TBC1D32: variants seen among roughly 807,000 people sequenced by gnomAD.
TBC1D32 encodes the protein TBC1 domain family member 32, also known as protein broad-minded.
A neutral mutation model predicts 170.3 loss-of-function variants in TBC1D32; 151 were observed. The ratio of observed to expected loss-of-function variants is 0.89; its 90% CI spans 0.78 to 1.01. TBC1D32 has a LOEUF of 1.01. Ranked by LOEUF, TBC1D32 falls within the 50% of genes least tolerant of loss-of-function variation. The pLI is 0.00. For missense variants in TBC1D32, 1,464 were observed against 1,457.1 expected (o/e 1.00, Z -0.08); for synonymous variants, 498 against 488.0 (o/e 1.02, Z -0.27).
chr6:121,185,653 T>C (rs540194711), intron 22 of TBC1D32, among the ~76,000 whole-genome samples: 1 of 152,148 alleles, frequency 6.6e-6, no homozygotes, highest in African/African-American at 2.4e-5. Context: ...GTGATTACAT[T>C]AAAAATGCCT....
intron 26 of TBC1D32, among the ~76,000 whole-genome samples, chr6:121,124,436 C>T (rs966462120): frequency 2.6e-5 from 4 of 151,806 alleles, no homozygotes; most frequent in African/African-American, 4.8e-5. Context: ...TGCTTATTTT[C>T]TCTCACTGTT....
chr6:121,208,203 G>C (rs1479109427), intron 21 of TBC1D32, among the ~76,000 whole-genome samples: 1 of 151,960 alleles, frequency 6.6e-6, no homozygotes, highest in Non-Finnish European at 1.5e-5. Flanking sequence ...TAAGAGTCTT[G>C]AGGTATGTAT....
chr6:121,245,737 C>T (rs562865851), intron 17 of TBC1D32, among the ~76,000 whole-genome samples: 1 of 152,012 alleles, frequency 6.6e-6, no homozygotes, highest in Non-Finnish European at 1.5e-5. Flanking sequence ...AACTCCCCTC[C>T]CCCCATCCCC....
intron 5 of TBC1D32, among the ~76,000 whole-genome samples, chr6:121,305,677 A>G (rs948203178): frequency 2.6e-5 from 4 of 152,038 alleles, no homozygotes; most frequent in African/African-American, 4.8e-5. Context: ...TGGGAAGTCT[A>G]TTTTTATAGT....
chr6:121,332,968 CT>C (rs1487869253), intron 1 of TBC1D32, among the ~76,000 whole-genome samples: 1 of 152,156 alleles, frequency 6.6e-6, no homozygotes, highest in Non-Finnish European at 1.5e-5. Context: ...TCCTTTCACA[CT>C]TTTTAAAACT....
chr6:121,096,058 G>A (rs562737915), intron 30 of TBC1D32: 1 of 152,098 alleles, frequency 6.6e-6, no homozygotes, highest in South Asian at 2.1e-4. Flanking sequence ...AATTGGTCTG[G>A]TTCTGGACTT....
At chr6:121,182,705 C>G (rs1396132220) in intron 22 of TBC1D32, among the ~76,000 whole-genome samples, 2 of 151,728 alleles carry the variant, frequency 1.3e-5, no homozygotes, top group Non-Finnish European at 2.9e-5. Flanking sequence ...AGCAAAATTA[C>G]CAGAAAAATA....
At chr6:121,230,297 T>C (rs544981133) in intron 20 of TBC1D32, among the ~76,000 whole-genome samples, 1 of 152,178 alleles carries the variant, frequency 6.6e-6, no homozygotes, top group Non-Finnish European at 1.5e-5. Flanking sequence ...AACATACGGA[T>C]GCTGATAATA....
rs1167389911 is a variant in TBC1D32, at chr6:121,254,079, CTT to C, written c.2018+1247_2018+1248del. Among the ~76,000 whole-genome samples the C allele has an allele frequency of 3.3e-5, 5 of 152,002 alleles. No homozygotes were observed. The South Asian group carries it at 1.0e-3, about 32-fold the overall frequency. ...TCATAAAAAAAAAAGGAAATAATGT[CTT>C]TTGCACCAAGTTGGATGGAGCTGGA... is the stretch of plus-strand genomic sequence containing the variant. On this transcript the variant is annotated intron_variant, in intron 17 of 31. Coordinates refer to ENST00000398212, the MANE Select transcript of TBC1D32 (RefSeq NM_152730.6).
intron 24 of TBC1D32, among the ~76,000 whole-genome samples, chr6:121,149,178 T>C (rs952087520): frequency 2.6e-5 from 4 of 152,190 alleles, no homozygotes; most frequent in Non-Finnish European, 4.4e-5. Context: ...GATGGATAGA[T>C]TGAAAATTTT....
intron 24 of TBC1D32, among the ~76,000 whole-genome samples, chr6:121,153,103 C>CT (rs1237672433): frequency 1.2e-4 from 18 of 152,012 alleles, no homozygotes; most frequent in East Asian, 1.9e-4. Flanking sequence ...GACTTGTTGG[C>CT]TTTTTTTTAC....
chr6:121,138,920 C>T (rs923638437), intron 24 of TBC1D32, among the ~76,000 whole-genome samples: 2 of 151,750 alleles, frequency 1.3e-5, no homozygotes, highest in Non-Finnish European at 2.9e-5. Flanking sequence ...TCTCGGCTCA[C>T]TGCAAGCTCC....
chr6:121,332,476 T>C (rs376749689), intron 1 of TBC1D32, among the ~76,000 whole-genome samples: 4 of 152,080 alleles, frequency 2.6e-5, no homozygotes, highest in African/African-American at 7.2e-5. Context: ...CTACAGATAC[T>C]GGAAATACTA....
At chr6:121,292,629 T>A (rs1304066595) in intron 11 of TBC1D32, among the ~76,000 whole-genome samples, 1 of 152,068 alleles carries the variant, frequency 6.6e-6, no homozygotes, top group Non-Finnish European at 1.5e-5. Flanking sequence ...TATAGACATC[T>A]CCCAATATGT....
intron 22 of TBC1D32, among the ~76,000 whole-genome samples, chr6:121,169,164 A>G (rs979435670): frequency 1.3e-5 from 2 of 152,234 alleles, no homozygotes; most frequent in African/African-American, 4.8e-5. Context: ...CCTGACTTCA[A>G]ACTATACTAC....
At chr6:121,311,419 T>A (rs1474503999) in intron 3 of TBC1D32, among the ~76,000 whole-genome samples, 3 of 152,104 alleles carry the variant, frequency 2.0e-5, no homozygotes, top group Non-Finnish European at 4.4e-5. Flanking sequence ...TATCTAAAAC[T>A]TCATCTGAAA....
chr6:121,258,404 G>C (rs1396572185), intron 15 of TBC1D32, among the ~76,000 whole-genome samples: 1 of 151,458 alleles, frequency 6.6e-6, no homozygotes, highest in East Asian at 1.9e-4. Flanking sequence ...TTTGTTTGCA[G>C]CTTTTAAATA....
chr6:121,272,571 A>G (rs1028358386), intron 15 of TBC1D32, among the ~76,000 whole-genome samples: 1 of 152,264 alleles, frequency 6.6e-6, no homozygotes, highest in South Asian at 2.1e-4. Context: ...ACCATCTCAC[A>G]CCAGTTAGAA....
At chr6:121,310,992 G>C (rs748765241) in intron 3 of TBC1D32, 145 bp from the exon 4 acceptor site, 2 of 610,540 alleles carry the variant, frequency 3.3e-6, no homozygotes, top group Non-Finnish European at 5.7e-6. Context: ...CAGCAACTTA[G>C]AATTTTTCTT....
Sources: gnomAD v4.1 joint callset for allele counts (sites outside exome capture counted in the v4.1 genomes callset) on GRCh38, gnomAD v4.1.1 for gene constraint, MANE v1.5 for transcripts, NCBI Gene and HGNC (gene_info 2026-07-23, HGNC 2026-07-21) for gene names.